Variants in FNDC3A observed in about 807,000 individuals in gnomAD.
FNDC3A encodes fibronectin type III domain containing 3A.
A neutral mutation model predicts 148.9 loss-of-function variants in FNDC3A; 32 were observed. The ratio of observed to expected loss-of-function variants is 0.21; its 90% confidence interval spans 0.16 to 0.29. The LOEUF is 0.29. FNDC3A is among the 10% of genes least tolerant of loss of function. FNDC3A has a pLI of 1.00. For missense variants in FNDC3A, 1,191 were observed against 1,452.8 expected, an observed-to-expected ratio of 0.82 and a Z score of 2.93; for synonymous variants, 472 against 473.6, an observed-to-expected ratio of 1.00 and a Z score of 0.04.
chr13:49,089,434 T>C (rs965819166), intron 3 of FNDC3A, among the ~76,000 whole-genome samples: 1 of 152,200 alleles, frequency 6.6e-6, no homozygotes, highest in Non-Finnish European at 1.5e-5. Flanking sequence ...AGATGACTTT[T>C]AAGAAAGAGA....
chr13:49,105,275 A>G (rs1046750581), intron 3 of FNDC3A, among the ~76,000 whole-genome samples: 2 of 152,208 alleles, frequency 1.3e-5, no homozygotes, highest in South Asian at 4.1e-4. Flanking sequence ...CGGGAAAACT[A>G]TGTGGCACTA....
At chr13:49,171,915 A>G in intron 10 of FNDC3A, 128 bp from the exon 11 acceptor site, 1 of 621,412 alleles carries the variant, frequency 1.6e-6, no homozygotes, top group South Asian at 2.4e-5. Flanking sequence ...TATTTTTATG[A>G]ACATTTTCGC....
chr13:49,196,468 A>C (rs1886159551), intron 19 of FNDC3A, among the ~76,000 whole-genome samples: 1 of 152,202 alleles, frequency 6.6e-6, no homozygotes, highest in South Asian at 2.1e-4. Flanking sequence ...TTGATATGGA[A>C]TATGCCTAAG....
intron 3 of FNDC3A, among the ~76,000 whole-genome samples, chr13:49,106,187 G>C (rs1880162107): frequency 6.6e-6 from 1 of 152,160 alleles, no homozygotes; most frequent in Admixed American, 6.5e-5. Context: ...CTTCTTTCAA[G>C]TCTTGGTTCA....
chr13:49,152,350 T>C (rs1252965248), intron 8 of FNDC3A, among the ~76,000 whole-genome samples: 1 of 152,248 alleles, frequency 6.6e-6, no homozygotes, highest in African/African-American at 2.4e-5. Context: ...TTTTTTCATG[T>C]GTCTGTTGGC....
chr13:49,030,949 G>A (rs1874074077), intron 2 of FNDC3A, among the ~76,000 whole-genome samples: 1 of 152,082 alleles, frequency 6.6e-6, no homozygotes, highest in Admixed American at 6.5e-5. Context: ...TATCCAATAC[G>A]TTGCCTCCCA....
chr13:49,121,107 T>C (rs1410838155), intron 4 of FNDC3A, among the ~76,000 whole-genome samples: 1 of 152,170 alleles, frequency 6.6e-6, no homozygotes, highest in Non-Finnish European at 1.5e-5. Context: ...AAAACACTTC[T>C]CAGCAAATGT....
At chr13:49,148,011 C>T (rs753989011) in intron 8 of FNDC3A, among the ~76,000 whole-genome samples, 2 of 152,078 alleles carry the variant, frequency 1.3e-5, no homozygotes, top group Non-Finnish European at 2.9e-5. Context: ...ACCTGTTGGC[C>T]ATTTGTATGT....
chr13:49,010,009 T>C (rs533146796), intron 2 of FNDC3A, among the ~76,000 whole-genome samples: 1 of 152,240 alleles, frequency 6.6e-6, no homozygotes, highest in African/African-American at 2.4e-5. Context: ...AAGAGGCTAA[T>C]GCCATTGAAA....
At chr13:49,173,510 A>G (rs1043715227) in intron 11 of FNDC3A, among the ~76,000 whole-genome samples, 7 of 152,244 alleles carry the variant, frequency 4.6e-5, no homozygotes, top group Admixed American at 1.3e-4. Context: ...ATTTTTATGC[A>G]AAGCTGAAAT....
chr13:49,095,984 C>A (rs117801047), intron 3 of FNDC3A, among the ~76,000 whole-genome samples: 1 of 152,020 alleles, frequency 6.6e-6, no homozygotes, highest in African/African-American at 2.4e-5. Context: ...TAGACACTAC[C>A]TAGATATATA....
At chr13:49,032,690 C>T (rs1874210427) in intron 2 of FNDC3A, among the ~76,000 whole-genome samples, 1 of 151,832 alleles carries the variant, frequency 6.6e-6, no homozygotes, top group South Asian at 2.1e-4. Context: ...GAGCCGAGAC[C>T]GCGCCACTGC....
At chr13:49,189,037 A>G (rs1885737883) in intron 17 of FNDC3A, among the ~76,000 whole-genome samples, 1 of 152,196 alleles carries the variant, frequency 6.6e-6, no homozygotes, top group South Asian at 2.1e-4. Flanking sequence ...CTACTTTCTA[A>G]TATTTACTTA....
rs1232801725 is a variant in FNDC3A, at chr13:49,006,211, A to G, written c.21A>G (p.Leu7=). 6.2e-7 allele frequency: 1 copy of G among 1,602,088 alleles called. No individual in the cohort carries two copies. Among genetic ancestry groups the G allele is most frequent in the Non-Finnish European group, 8.5e-7 (1 of 1,170,222 alleles). MAEHPP[L]LDTTQILSSD... ...TGATAATGGCAGAACATCCACCACT[A>G]CTGGATACAACTCAGATCTTAAGTA... The change falls in exon 2 of 26, where the codon CTA becomes CTG. Residue 7 remains leucine, a synonymous_variant. Coordinates refer to ENST00000492622, the MANE Select transcript of FNDC3A (RefSeq NM_001079673.2).
chr13:49,076,127 A>ATGAGAGCAATAAAAAAG (rs1439588541), intron 3 of FNDC3A, among the ~76,000 whole-genome samples: 1 of 152,142 alleles, frequency 6.6e-6, no homozygotes, highest in African/African-American at 2.4e-5. Context: ...CTATGGGAAG[A>ATGAGAGCAATAAAAAAG]TGAGAGCAAT....
intron 3 of FNDC3A, among the ~76,000 whole-genome samples, chr13:49,080,865 A>T (rs192467895): frequency 2.6e-5 from 4 of 152,192 alleles, no homozygotes; most frequent in Non-Finnish European, 4.4e-5. Context: ...GTTCCTCTAG[A>T]TATCATCTGT....
chr13:49,181,975 TTTTA>T (rs974373071), intron 14 of FNDC3A, among the ~76,000 whole-genome samples: 2 of 151,748 alleles, frequency 1.3e-5, no homozygotes, highest in Non-Finnish European at 1.5e-5. Flanking sequence ...GAAAATAAAA[TTTTA>T]TTTATTTATT....
chr13:49,159,052 A>C (rs996654033), intron 8 of FNDC3A, among the ~76,000 whole-genome samples: 2 of 152,148 alleles, frequency 1.3e-5, no homozygotes, highest in Non-Finnish European at 2.9e-5. Flanking sequence ...GTCAGGTAGC[A>C]TGACGCCTCC....
rs1281465483 is a variant in FNDC3A at position 49,131,389 on chromosome 13, A to C, written c.490+15A>C. On this transcript the variant is annotated intron_variant, in intron 5 of 25. Coordinates refer to ENST00000492622, the MANE Select transcript of FNDC3A (RefSeq NM_001079673.2). ...TGGAGATGTAGGTAAGACATCTAAA[A>C]GTATTCCACTGTTATTGAGTTGGAT... The C allele has an allele frequency of 5.3e-6, 8 of 1,509,182 alleles. No homozygotes were observed. The Admixed American group carries it at 1.3e-4, about 25-fold the overall frequency. 93.5% of individuals were successfully genotyped at this position (1,509,182 alleles called of 1,614,324 possible).
Sources: allele counts gnomAD v4.1 joint callset (sites outside exome capture counted in the v4.1 genomes callset), GRCh38; gene constraint gnomAD v4.1.1; transcripts MANE v1.5; gene names NCBI Gene and HGNC (gene_info 2026-07-23, HGNC 2026-07-21).